Variants in PPP1R9A observed in about 807,000 individuals in gnomAD.
The protein encoded by PPP1R9A is protein phosphatase 1 regulatory subunit 9A, also known as neurabin-1.
PPP1R9A carries 59 observed loss-of-function variants against 141.9 expected under a neutral mutation model. The ratio of observed to expected loss-of-function variants is 0.42; its 90% CI spans 0.34 to 0.52. The LOEUF (loss-of-function observed/expected upper bound fraction) is 0.52. Ranked by LOEUF, PPP1R9A falls within the 20% of genes least tolerant of loss-of-function variation. The pLI is 0.10. For synonymous variants in PPP1R9A, 500 were observed against 569.7 expected, an observed-to-expected ratio of 0.88 and a Z score of 1.74; for missense variants, 1,444 against 1,611.9, an observed-to-expected ratio of 0.90 and a Z score of 1.78.
chr7:95,105,202 TC>T (rs1177766410), intron 2 of PPP1R9A, among the ~76,000 whole-genome samples: 1 of 152,208 alleles, frequency 6.6e-6, no homozygotes, highest in Non-Finnish European at 1.5e-5. Flanking sequence ...TAAGTTTTTT[TC>T]TTATTGTTGA....
intron 2 of PPP1R9A, among the ~76,000 whole-genome samples, chr7:94,961,209 A>C (rs1365757716): frequency 2.0e-5 from 3 of 151,718 alleles, no homozygotes; most frequent in Non-Finnish European, 4.4e-5. Flanking sequence ...AAAACTTATA[A>C]ATAAATGACA....
At position 95,162,202 on chromosome 7, in the gene PPP1R9A, A is replaced by G. The variant is rs558377337; in HGVS notation, c.1754+231A>G. ...GATACAAAAACAAGCACTTGTCTTC[A>G]TATCTTTCTAAAATACTATGGTTTC... On this transcript the variant is annotated intron_variant, in intron 5 of 19. Transcript: ENST00000433360. 9.2e-5 allele frequency among the ~76,000 whole-genome samples: 14 copies of G among 152,298 alleles called. No homozygotes were observed. In the South Asian group the frequency reaches 2.7e-3, roughly 29 times the overall value.
intron 2 of PPP1R9A, among the ~76,000 whole-genome samples, chr7:95,052,524 C>G (rs756615613): frequency 2.0e-5 from 3 of 152,124 alleles, no homozygotes; most frequent in Non-Finnish European, 4.4e-5. Flanking sequence ...AGCAAGAAAG[C>G]AGGCTATAGG....
Position 94,910,451 on chromosome 7 carries a change from T to C in PPP1R9A, c.338T>C (p.Val113Ala). ...TTTCTGGAAAAAACAGATGGCTCAG[T>C]TGTTAAGTTGGAGTCTTCTGTTTCT... ...KEFLEKTDGS[V>A]VKLESSVSER... Residue 113 changes from valine (V) to alanine (A), a missense_variant, in exon 2 of 20, where the codon GTT (valine) becomes GCT (alanine). This residue lies in a region of PPP1R9A where 490 missense variants were observed against 521.1 expected (regional missense o/e 0.94). Transcript: ENST00000433360. This position sits in a 1 kb window ranked among gnomAD's most constrained non-coding sequence, Gnocchi z 4.5. 1.9e-6 allele frequency: 3 copies of C among 1,614,050 alleles called. No individual in the cohort carries two copies. The highest frequency in any genetic ancestry group is 1.6e-4 in the Middle Eastern group (1 of 6,062).
In PPP1R9A at chr7:95,102,132, G is replaced by A. The variant is rs535500265; in HGVS notation, c.1396-9127G>A. On this transcript the variant is annotated intron_variant, in intron 2 of 19. Transcript: ENST00000433360. The stretch of plus-strand genomic sequence containing the variant: ...TTTATAATGCCTATTAGATGATTTA[G>A]ATATGAGAATGAAACTAGCAGAGTG... Among the ~76,000 whole-genome samples the A allele has an allele frequency of 1.7e-4, 26 of 152,254 alleles. No individual in the cohort carries two copies. The South Asian group carries it at 5.2e-3, about 30-fold the overall frequency.
intron 16 of PPP1R9A, among the ~76,000 whole-genome samples, chr7:95,275,332 C>T (rs562441255): frequency 7.3e-5 from 11 of 150,208 alleles, no homozygotes; most frequent in Non-Finnish European, 1.3e-4. Context: ...TGCTTGAACC[C>T]GGGAGGCGGA....
At chr7:95,265,116 A>T (rs1801071559) in intron 12 of PPP1R9A, among the ~76,000 whole-genome samples, 1 of 152,202 alleles carries the variant, frequency 6.6e-6, no homozygotes, top group Non-Finnish European at 1.5e-5. Context: ...AGCCAAAAAA[A>T]ATCCCTCAGT....
At chr7:95,244,599 G>A (rs1163364657) in intron 8 of PPP1R9A, among the ~76,000 whole-genome samples, 1 of 152,184 alleles carries the variant, frequency 6.6e-6, no homozygotes, top group Non-Finnish European at 1.5e-5. Context: ...ACCCTACGAG[G>A]AGTTAATAAA....
At chr7:95,177,914 A>C (rs1833139378) in intron 5 of PPP1R9A, among the ~76,000 whole-genome samples, 1 of 152,166 alleles carries the variant, frequency 6.6e-6, no homozygotes. Context: ...GAAATGAGAT[A>C]GACAACAACA....
At chr7:95,214,037 A>G (rs6465460) in intron 7 of PPP1R9A, 73,410 of 152,066 alleles carry the variant, frequency 0.48, 17,873 homozygotes, top group South Asian at 0.56. Context: ...TACACTCTTC[A>G]GAATCCTAGC....
At chr7:94,936,716 C>A (rs1794809874) in intron 2 of PPP1R9A, among the ~76,000 whole-genome samples, 1 of 151,306 alleles carries the variant, frequency 6.6e-6, no homozygotes, top group African/African-American at 2.4e-5. Context: ...CAAAAGTGAT[C>A]TAACAACTTA....
intron 4 of PPP1R9A, among the ~76,000 whole-genome samples, chr7:95,146,186 G>T (rs1384173313): frequency 1.3e-5 from 2 of 152,078 alleles, no homozygotes; most frequent in Non-Finnish European, 2.9e-5. Flanking sequence ...TTTAATGATT[G>T]CCATTCTTAC....
chr7:94,992,121 A>G (rs370446855), intron 2 of PPP1R9A, among the ~76,000 whole-genome samples: 1 of 152,232 alleles, frequency 6.6e-6, no homozygotes, highest in South Asian at 2.1e-4. Flanking sequence ...TCACACCCCA[A>G]AGTTTTCTTT....
At chr7:95,037,808 G>A (rs1044779247) in intron 2 of PPP1R9A, among the ~76,000 whole-genome samples, 13 of 152,110 alleles carry the variant, frequency 8.5e-5, no homozygotes, top group African/African-American at 2.9e-4. Context: ...TAAGATCAAG[G>A]AAGTTGTTAA....
chr7:95,102,285 A>G (rs1307058699), intron 2 of PPP1R9A, among the ~76,000 whole-genome samples: 1 of 152,226 alleles, frequency 6.6e-6, no homozygotes, highest in African/African-American at 2.4e-5. Context: ...AATATTAAAA[A>G]ACGTGGAACA....
chr7:95,193,821 C>A lies in PPP1R9A; in HGVS notation c.1755-4528C>A, dbSNP rs377060237. Among the ~76,000 whole-genome samples the A allele has an allele frequency of 1.1e-4, 17 of 152,040 alleles. No individual in the cohort carries two copies. In the East Asian group the frequency reaches 1.2e-3, roughly 10 times the overall value. On this transcript the variant is annotated intron_variant, in intron 5 of 19. Coordinates refer to ENST00000433360, the MANE Select transcript of PPP1R9A (RefSeq NM_001166160.2). ...CTAATCTTTGGCTAGCAGATAATTTCTAAAATCATTTTTCTTTCTCCCCGA... is the reference window on the plus strand; with the variant it reads ...CTAATCTTTGGCTAGCAGATAATTTATAAAATCATTTTTCTTTCTCCCCGA...
chr7:94,925,511 C>T (rs1188596962), intron 2 of PPP1R9A, among the ~76,000 whole-genome samples: 1 of 152,060 alleles, frequency 6.6e-6, no homozygotes, highest in African/African-American at 2.4e-5. Context: ...TCCTCTCTCC[C>T]TCTCATTCTT....
chr7:95,019,375 T>C (rs1805575980), intron 2 of PPP1R9A, among the ~76,000 whole-genome samples: 1 of 152,174 alleles, frequency 6.6e-6, no homozygotes, highest in South Asian at 2.1e-4. Flanking sequence ...AGAGCGAGAC[T>C]CAGTCTCAAT....
chr7:95,004,726 G>T (rs1397520741), intron 2 of PPP1R9A, among the ~76,000 whole-genome samples: 1 of 152,166 alleles, frequency 6.6e-6, no homozygotes, highest in African/African-American at 2.4e-5. Context: ...ACCGTATACT[G>T]TGGTATGACT....
Sources: gnomAD v4.1 joint callset for allele counts (sites outside exome capture counted in the v4.1 genomes callset) on GRCh38, gnomAD v4.1.1 for gene constraint, gnomAD v4.1.1 regional missense constraint, Gnocchi (gnomAD v3.1) non-coding constraint, MANE v1.5 for transcripts, NCBI Gene and HGNC (gene_info 2026-07-23, HGNC 2026-07-21) for gene names.